The following ASCC1 variants were observed in gnomAD, a reference collection of about 807,000 sequenced individuals.
ASCC1 encodes the protein ASC-1 complex subunit P50.
Under a neutral mutation model 46.6 loss-of-function variants are expected in ASCC1, and 35 were observed. That is an observed-to-expected ratio of 0.75 (90% CI 0.57 to 0.99). ASCC1 has a LOEUF of 0.99. ASCC1 is among the 50% of genes least tolerant of loss of function. The pLI, the probability that ASCC1 is intolerant of heterozygous loss-of-function variation, is 0.00. For missense variants in ASCC1, 376 were observed against 428.7 expected, an observed-to-expected ratio of 0.88 and a Z score of 1.09; for synonymous variants, 143 against 146.6, an observed-to-expected ratio of 0.98 and a Z score of 0.18.
intron 5 of ASCC1, among the ~76,000 whole-genome samples, chr10:72,162,825 C>A (rs1285873531): frequency 1.3e-5 from 2 of 151,808 alleles, no homozygotes; most frequent in African/African-American, 4.8e-5. Flanking sequence ...CGCCTGTAAT[C>A]CCACATACTC....
chr10:72,187,284 T>C (rs1392947700), intron 5 of ASCC1, among the ~76,000 whole-genome samples: 2 of 152,178 alleles, frequency 1.3e-5, no homozygotes, highest in East Asian at 3.9e-4. Flanking sequence ...TTTAAGTACA[T>C]AAATGCAAAG....
chr10:72,154,652 T>C (rs1036045061), intron 6 of ASCC1, among the ~76,000 whole-genome samples: 6 of 152,128 alleles, frequency 3.9e-5, no homozygotes, highest in African/African-American at 1.2e-4. Flanking sequence ...CCACCATGTC[T>C]GGCTAATTTT....
chr10:72,144,105 T>C (rs952834888), intron 7 of ASCC1, among the ~76,000 whole-genome samples: 1 of 152,044 alleles, frequency 6.6e-6, no homozygotes, highest in Admixed American at 6.5e-5. Flanking sequence ...GCCTCCCAAG[T>C]AGCTGGGATT....
rs1852942812 is a variant in ASCC1 at position 72,183,380 on chromosome 10, G to A, written c.489+13431C>T. Among the ~76,000 whole-genome samples, 3 of 152,138 alleles carry A rather than the reference G, an allele frequency of 2.0e-5. No individual in the cohort carries two copies. In the South Asian group the frequency reaches 6.2e-4, roughly 31 times the overall value. On this transcript the variant is annotated intron_variant, in intron 5 of 9. Coordinates refer to ENST00000672957, the MANE Select transcript of ASCC1 (RefSeq NM_001198800.3). Reference sequence around the variant, plus strand: ...CTTATTAGAAACTATACCTGGCCAGGTATAGTGGTTCACACCTGCCATCCC... The same window carrying A: ...CTTATTAGAAACTATACCTGGCCAGATATAGTGGTTCACACCTGCCATCCC...
intron 9 of ASCC1, among the ~76,000 whole-genome samples, chr10:72,101,785 G>A (rs1414174310): frequency 2.0e-5 from 3 of 152,080 alleles, no homozygotes; most frequent in Non-Finnish European, 4.4e-5. Context: ...AGAAAAAAAA[G>A]GAGACCATGG....
At chr10:72,172,182 G>A (rs890021670) in intron 5 of ASCC1, among the ~76,000 whole-genome samples, 10 of 151,926 alleles carry the variant, frequency 6.6e-5, no homozygotes, top group African/African-American at 1.7e-4. Flanking sequence ...TTGGGAGGCC[G>A]AGGCGGGCGG....
chr10:72,110,114 G>C (rs1230882057), intron 9 of ASCC1, among the ~76,000 whole-genome samples: 1 of 152,146 alleles, frequency 6.6e-6, no homozygotes, highest in East Asian at 2.0e-4. Context: ...AACTAATCTA[G>C]ATGATGTTTC....
intron 5 of ASCC1, among the ~76,000 whole-genome samples, chr10:72,162,024 A>G (rs1035522103): frequency 2.0e-5 from 3 of 152,240 alleles, no homozygotes; most frequent in African/African-American, 7.2e-5. Context: ...TTTGTGCATC[A>G]AAGAACACTA....
At position 72,189,798 on chromosome 10, in the gene ASCC1, A is replaced by G. The variant is rs551533270; in HGVS notation, c.489+7013T>C. On this transcript the variant is annotated intron_variant, in intron 5 of 9. Coordinates refer to ENST00000672957, the MANE Select transcript of ASCC1 (RefSeq NM_001198800.3). Reference sequence around the variant, plus strand: ...GCCTGGGCAACAAGAGCGAAACTCCATCTCAAAAAAAAAAAAAAAAAAAAA... The same window carrying G: ...GCCTGGGCAACAAGAGCGAAACTCCGTCTCAAAAAAAAAAAAAAAAAAAAA... 1.1e-3 allele frequency: 409 copies of G among 378,174 alleles called. 2 individuals carry two copies. Among genetic ancestry groups the G allele is most frequent in the African/African-American group, 8.1e-3 (364 of 44,922 alleles). 23.4% of individuals were successfully genotyped at this position (378,174 alleles called of 1,614,324 possible). A position where few individuals can be genotyped will look rare whatever the true frequency, so the allele number is the denominator to read the frequency against.
chr10:72,175,204 G>C (rs1685363939), intron 5 of ASCC1, among the ~76,000 whole-genome samples: 2 of 152,156 alleles, frequency 1.3e-5, no homozygotes, highest in Admixed American at 1.3e-4. Context: ...TTACTCAGTT[G>C]CTATGAAGCT....
intron 7 of ASCC1, among the ~76,000 whole-genome samples, chr10:72,149,896 A>T (rs1200213286): frequency 1.3e-5 from 2 of 152,096 alleles, no homozygotes; most frequent in Non-Finnish European, 2.9e-5. Context: ...GGAAAAGAAA[A>T]ATCTGGCAGC....
intron 9 of ASCC1, among the ~76,000 whole-genome samples, chr10:72,107,382 G>A (rs933864569): frequency 6.7e-6 from 1 of 150,096 alleles, no homozygotes; most frequent in African/African-American, 2.5e-5. Flanking sequence ...AAAATTCTGA[G>A]TTTCTGCCAA....
At chr10:72,108,514 A>G (rs984036432) in intron 9 of ASCC1, among the ~76,000 whole-genome samples, 4 of 152,258 alleles carry the variant, frequency 2.6e-5, no homozygotes, top group Non-Finnish European at 5.9e-5. Flanking sequence ...TTCTGCCTAT[A>G]TAAGCAGGAC....
Position 72,127,322 on chromosome 10 carries a change from T to C in ASCC1, c.957+760A>G, listed in dbSNP as rs151055780. 2.2e-3 allele frequency among the ~76,000 whole-genome samples: 337 copies of C among 152,324 alleles called. 1 individual carries two copies. The highest frequency in any genetic ancestry group is 7.9e-3 in the African/African-American group (327 of 41,578). On this transcript the variant is annotated intron_variant, in intron 9 of 9. Transcript: ENST00000672957. ...TGATGGAGAAGGCATAAATCATGAA[T>C]ATTACAGAAGGGTAGTCTGTTAGAG...
intron 5 of ASCC1, among the ~76,000 whole-genome samples, chr10:72,181,754 C>T (rs1468634784): frequency 6.6e-6 from 1 of 151,908 alleles, no homozygotes; most frequent in Admixed American, 6.6e-5. Flanking sequence ...GGCACCATCT[C>T]AGCTCATTGC....
At chr10:72,206,109 CAA>C (rs879721509) in intron 3 of ASCC1, among the ~76,000 whole-genome samples, 2 of 109,248 alleles carry the variant, frequency 1.8e-5, no homozygotes, top group Admixed American at 1.0e-4. Context: ...GTCTCAAAAA[CAA>C]AAAAAAAAAG....
chr10:72,107,280 G>C (rs755960438), intron 9 of ASCC1, among the ~76,000 whole-genome samples: 4 of 145,636 alleles, frequency 2.7e-5, no homozygotes, highest in Admixed American at 6.9e-5. Context: ...TCATCAAAAA[G>C]AATTAAGTTC....
In ASCC1 at chr10:72,203,588, T is replaced by C. The variant is rs575012416; in HGVS notation, c.213-64A>G. ...TGTACCAAAATAAAGAACCTCATTA[T>C]GTTTAAATCCTTTGTGACAAGAGAT... On this transcript the variant is annotated intron_variant, in intron 3 of 9. Coordinates refer to ENST00000672957, the MANE Select transcript of ASCC1 (RefSeq NM_001198800.3). 8.1e-4 allele frequency: 952 copies of C among 1,179,578 alleles called. 14 individuals are homozygous for C. In the South Asian group the frequency reaches 0.011, roughly 14 times the overall value. 73.1% of individuals were successfully genotyped at this position (1,179,578 alleles called of 1,614,324 possible).
intron 6 of ASCC1, among the ~76,000 whole-genome samples, chr10:72,158,441 C>T (rs1038587753): frequency 6.6e-6 from 1 of 152,222 alleles, no homozygotes; most frequent in Non-Finnish European, 1.5e-5. Context: ...AGAGCCAGTG[C>T]ACGGTCTGTG....
Sources: allele counts gnomAD v4.1 joint callset (sites outside exome capture counted in the v4.1 genomes callset), GRCh38; gene constraint gnomAD v4.1.1; transcripts MANE v1.5; gene names NCBI Gene and HGNC (gene_info 2026-07-23, HGNC 2026-07-21).